The following TRANK1 variants were observed in gnomAD, a reference collection of about 807,000 sequenced individuals.
TRANK1 encodes tetratricopeptide repeat and ankyrin repeat containing 1.
Under a neutral mutation model 266.0 loss-of-function variants are expected in TRANK1, and 198 were observed. That is an observed-to-expected ratio of 0.74 (90% confidence interval 0.66 to 0.84). The LOEUF (loss-of-function observed/expected upper bound fraction) is 0.84, where lower values mean the gene tolerates loss of function less well. Among genes scored for constraint, TRANK1 ranks in the 40% least tolerant of loss-of-function variants. TRANK1 has a pLI of 0.00. For synonymous variants in TRANK1, 1,396 were observed against 1,384.1 expected (o/e 1.01, Z -0.19); for missense variants, 3,326 against 3,634.6 (o/e 0.92, Z 2.18).
intron 1 of TRANK1, among the ~76,000 whole-genome samples, chr3:36,923,716 G>A (rs558681289): frequency 6.6e-6 from 1 of 152,230 alleles, no homozygotes; most frequent in South Asian, 2.1e-4. Context: ...TCCGAGAATA[G>A]CCTCTAAGCA....
In TRANK1 at chr3:36,856,906, A is replaced by G. The variant is rs1017709774; in HGVS notation, c.2816T>C (p.Ile939Thr). 7 of 1,613,942 alleles carry G rather than the reference A, an allele frequency of 4.3e-6. No individual in the cohort carries two copies. The highest frequency in any genetic ancestry group is 5.9e-6 in the Non-Finnish European group (7 of 1,179,862). ...ATCTAAGACGATGTCCCAAATCCGGATGATTTCCGTGTAGATCCGCCCTGA... is the reference window on the plus strand; with the variant it reads ...ATCTAAGACGATGTCCCAAATCCGGGTGATTTCCGTGTAGATCCGCCCTGA... ...EKSGRIYTEI[I>T]RIWDIVLDHC... The change falls in exon 13 of 24, where the codon ATC (isoleucine) becomes ACC (threonine). Residue 939 changes from isoleucine (I) to threonine (T), a missense_variant. Ile to Thr is a moderately conservative substitution (Grantham distance 89). Coordinates refer to ENST00000645898, the MANE Select transcript of TRANK1 (RefSeq NM_001329998.2).
chr3:36,879,573 A>AATATATATAAATATACAAATATATAAAT lies in TRANK1; in HGVS notation c.908-5305_908-5278dup, dbSNP rs2079444077. Among the ~76,000 whole-genome samples, 3 of 108,068 alleles carry AATATATATAAATATACAAATATATAAAT rather than the reference A, an allele frequency of 2.8e-5. 1 individual carries two copies. The highest frequency in any genetic ancestry group is 2.7e-4 in the South Asian group (1 of 3,772). The allele number at this position is 108,068 out of a possible 152,430, so 70.9% of individuals were successfully genotyped here. ...ATCTATATAAATATATAAATATATA[A>AATATATATAAATATACAAATATATAAAT]ATATATATAAATATACAAATATATA... On this transcript the variant is annotated intron_variant, in intron 8 of 23. Transcript: ENST00000645898.
intron 20 of TRANK1, among the ~76,000 whole-genome samples, chr3:36,836,325 G>T (rs2078770211): frequency 1.3e-5 from 2 of 152,154 alleles, no homozygotes; most frequent in Non-Finnish European, 2.9e-5. Context: ...GGAGCCAGTG[G>T]CAACCTGGAA....
chr3:36,908,209 G>T, intron 2 of TRANK1, 114 bp downstream of exon 2: 1 of 1,139,948 alleles, frequency 8.8e-7, no homozygotes, highest in Non-Finnish European at 1.1e-6. Flanking sequence ...AATAGGAAGT[G>T]AGCAATAAAG....
chr3:36,911,297 C>G (rs980886675), intron 1 of TRANK1, among the ~76,000 whole-genome samples: 1 of 152,058 alleles, frequency 6.6e-6, no homozygotes, highest in African/African-American at 2.4e-5. Context: ...AAAAGCCACG[C>G]CTTTGGGATT....
chr3:36,828,188 A>G lies in TRANK1; in HGVS notation c.*87T>C, dbSNP rs1415431110. The G allele has an allele frequency of 5.2e-6, 5 of 967,090 alleles. No homozygotes were observed. Among genetic ancestry groups the G allele is most frequent in the Non-Finnish European group, 8.0e-6 (5 of 626,530 alleles). 59.9% of individuals were successfully genotyped at this position (967,090 alleles called of 1,614,324 possible). A position where few individuals can be genotyped will look rare whatever the true frequency, so the allele number is the denominator to read the frequency against. ...CCCTATTTTTAAAATGCTAATTCAC[A>G]TTCTTTTTGTCTTCTGCCCCAGCGC... On this transcript the variant is annotated 3_prime_UTR_variant, in exon 24 of 24. Coordinates refer to ENST00000645898, the MANE Select transcript of TRANK1 (RefSeq NM_001329998.2).
At chr3:36,829,319 T>A (rs914365970) in intron 23 of TRANK1, among the ~76,000 whole-genome samples, 1 of 152,134 alleles carries the variant, frequency 6.6e-6, no homozygotes, top group Non-Finnish European at 1.5e-5. Flanking sequence ...CAGTAACAGC[T>A]CATGAGCAGC....
At chr3:36,834,285 T>G in intron 21 of TRANK1, 1 of 208,056 alleles carries the variant, frequency 4.8e-6, no homozygotes, top group Non-Finnish European at 9.5e-6. Flanking sequence ...AAAAGCATCA[T>G]AATCATCTGG....
At position 36,900,206 on chromosome 3, in the gene TRANK1, T is replaced by G. The variant is rs564753118; in HGVS notation, c.283-947A>C. Among the ~76,000 whole-genome samples, 3 of 152,278 alleles carry G rather than the reference T, an allele frequency of 2.0e-5. No individual in the cohort carries two copies. In the East Asian group the frequency reaches 5.8e-4, roughly 29 times the overall value. ...ATTAATTCATACTTCAAGTCACAGCTTGGGCCGGAACAAAAGAATGAAAAT... is the reference window on the plus strand; with the variant it reads ...ATTAATTCATACTTCAAGTCACAGCGTGGGCCGGAACAAAAGAATGAAAAT... On this transcript the variant is annotated intron_variant, in intron 3 of 23. Coordinates refer to ENST00000645898, the MANE Select transcript of TRANK1 (RefSeq NM_001329998.2).
intron 17 of TRANK1, among the ~76,000 whole-genome samples, chr3:36,844,361 G>A (rs1262965681): frequency 6.6e-6 from 1 of 152,056 alleles, no homozygotes; most frequent in Non-Finnish European, 1.5e-5. Context: ...TGAGTAGCTG[G>A]GACTACAGGC....
rs570617381 is a variant in TRANK1, at chr3:36,897,503, C to A, written c.433+1606G>T. Among the ~76,000 whole-genome samples, 5 of 152,332 alleles carry A rather than the reference C, an allele frequency of 3.3e-5. No individual in the cohort carries two copies. In the South Asian group the frequency reaches 1.0e-3, roughly 32 times the overall value. ...TCCCACTGCCTGCTACTACTCTAGTCCCCTCTCTGTACCAAACTTGTCAAA... is the reference window on the plus strand; with the variant it reads ...TCCCACTGCCTGCTACTACTCTAGTACCCTCTCTGTACCAAACTTGTCAAA... On this transcript the variant is annotated intron_variant, in intron 4 of 23. Transcript: ENST00000645898.
chr3:36,863,070 A>G (rs1398311068), intron 10 of TRANK1, among the ~76,000 whole-genome samples: 1 of 152,156 alleles, frequency 6.6e-6, no homozygotes, highest in African/African-American at 2.4e-5. Context: ...TTAGAGACCC[A>G]CTCAGCTCTG....
chr3:36,833,214 AT>A lies in TRANK1; in HGVS notation c.6368del (p.Asp2123ValfsTer7). 1 of 1,614,014 alleles carries A rather than the reference AT, an allele frequency of 6.2e-7. No homozygotes were observed. The highest frequency in any genetic ancestry group is 8.5e-7 in the Non-Finnish European group (1 of 1,179,898). The stretch of plus-strand genomic sequence containing the variant: ...TCTGAGCTATCTGGCAATACTTGGC[AT>A]CCACCTGGGAAATCCCAAAAAACTC... ...CFEFFGISQV[D>X]AKYCQIAQND... On this transcript the variant is annotated frameshift_variant, in exon 22 of 24. Coordinates refer to ENST00000645898, the MANE Select transcript of TRANK1 (RefSeq NM_001329998.2). LOFTEE classifies it high-confidence loss of function.
In TRANK1 at chr3:36,855,848, C is replaced by T. The variant is rs555553389; in HGVS notation, c.3874G>A (p.Glu1292Lys). ...TCCCCATCCACCTCAGCCTCCTCTT[C>T]ATCCTCTTGCCAACTAGGAATGGTT... ...ESTIPSWQED[E>K]EEAEVDGDYS... Residue 1292 changes from glutamate (E) to lysine (K), a missense_variant, in exon 13 of 24, where the codon GAA becomes AAA. By Grantham distance (56) the Glu-to-Lys change is moderately conservative. Coordinates refer to ENST00000645898, the MANE Select transcript of TRANK1 (RefSeq NM_001329998.2). 5 of 1,613,708 alleles carry T rather than the reference C, an allele frequency of 3.1e-6. No homozygotes were observed. The South Asian group carries it at 5.5e-5, about 18-fold the overall frequency.
At chr3:36,864,523 C>T in intron 9 of TRANK1, 43 bp from the exon 10 acceptor site, 1 of 1,480,412 alleles carries the variant, frequency 6.8e-7, no homozygotes, top group South Asian at 1.3e-5. Context: ...ACAGAAATTG[C>T]AGCTGTTACA....
In TRANK1 at chr3:36,856,581, T is replaced by C; in HGVS notation, c.3141A>G (p.Thr1047=). ...AFNILNDTTA[T]VEYPFRVGEL... ...CACCCACCCGGAAGGGGTACTCCAC[T>C]GTGGCTGTCGTGTCATTGAGGATGT... The change falls in exon 13 of 24, where the codon ACA becomes ACG. Residue 1047 remains threonine (T), a synonymous_variant. Coordinates refer to ENST00000645898, the MANE Select transcript of TRANK1 (RefSeq NM_001329998.2). 4.3e-6 allele frequency: 7 copies of C among 1,614,006 alleles called. No homozygotes were observed. The highest frequency in any genetic ancestry group is 5.9e-6 in the Non-Finnish European group (7 of 1,179,880).
rs56117413 is a variant in TRANK1 at position 36,856,493 on chromosome 3, G to A, written c.3229C>T (p.Arg1077Ter). Reference protein sequence around the residue: ...RPLEPIILIGRSGTGKTTCCL... With the variant: ...RPLEPIILIG The stretch of plus-strand genomic sequence containing the variant: ...CAGGTTGTCTTCCCAGTGCCACTTC[G>A]CCCAATAAGGATGATGGGCTCCAGT... The change falls in exon 13 of 24, where the codon CGA becomes TGA. Residue 1077 changes from arginine (R) to a stop codon, truncating the protein, a stop_gained. Transcript: ENST00000645898. LOFTEE classifies it high-confidence loss of function. The A allele has an allele frequency of 6.8e-6, 11 of 1,613,896 alleles. No individual in the cohort carries two copies. Among genetic ancestry groups the A allele is most frequent in the East Asian group, 2.2e-5 (1 of 44,878 alleles).
At chr3:36,928,721 A>C (rs548120798) in intron 1 of TRANK1, among the ~76,000 whole-genome samples, 1 of 152,338 alleles carries the variant, frequency 6.6e-6, no homozygotes, top group Admixed American at 6.5e-5. Flanking sequence ...AGCATTTTTT[A>C]AAAGCTCCTT....
chr3:36,934,109 C>T (rs1393448649), intron 1 of TRANK1, among the ~76,000 whole-genome samples: 1 of 152,240 alleles, frequency 6.6e-6, no homozygotes, highest in Non-Finnish European at 1.5e-5. Flanking sequence ...CCAAGGTACA[C>T]AGAGGCAGGC....
Sources: allele counts gnomAD v4.1 joint callset (sites outside exome capture counted in the v4.1 genomes callset), GRCh38; gene constraint gnomAD v4.1.1; transcripts MANE v1.5; gene names NCBI Gene and HGNC (gene_info 2026-07-23, HGNC 2026-07-21).